The following CNTNAP4 variants were observed in gnomAD, a reference collection of about 807,000 sequenced individuals.
CNTNAP4 encodes the protein contactin associated protein family member 4, also known as contactin-associated protein-like 4.
A neutral mutation model predicts 148.4 loss-of-function variants in CNTNAP4; 98 were observed. The observed-to-expected ratio is 0.66, with a 90% CI of 0.56 to 0.78. CNTNAP4 has a LOEUF of 0.78. Among genes scored for constraint, CNTNAP4 ranks in the 30% least tolerant of loss-of-function variants. The probability of loss-of-function intolerance (pLI) is 0.00; values close to 1 mark genes in which losing one functional copy is unlikely to be tolerated. For synonymous variants in CNTNAP4, 730 were observed against 565.1 expected (o/e 1.29, Z -4.14); for missense variants, 1,935 against 1,565.6 (o/e 1.24, Z -3.98).
rs567265911 is a variant in CNTNAP4 at position 76,304,886 on chromosome 16, C to CT, written c.86-11521dup. Reference sequence around the variant, plus strand: ...TTCAGTTTGTAACCTTTAAGATAGACTTTTTTACTCAATCTCATTTCTTGG... The same window carrying CT: ...TTCAGTTTGTAACCTTTAAGATAGACTTTTTTTACTCAATCTCATTTCTTGG... On this transcript the variant is annotated intron_variant, in intron 1 of 23. Coordinates refer to ENST00000611870, the MANE Select transcript of CNTNAP4 (RefSeq NM_033401.5). Among the ~76,000 whole-genome samples the CT allele has an allele frequency of 4.3e-3, 650 of 152,206 alleles. 4 individuals are homozygous for CT. The highest frequency in any genetic ancestry group is 6.1e-3 in the Non-Finnish European group (412 of 68,018).
rs2084395530 is a variant in CNTNAP4, at chr16:76,540,353, T to G, written c.3355-350T>G. ...AAATAAAAATACCAAGTAAAAGTGT[T>G]AAGGTGAAAAATAACCTTTTGTATC... On this transcript the variant is annotated intron_variant, in intron 20 of 23. Transcript: ENST00000611870. Among the ~76,000 whole-genome samples the G allele has an allele frequency of 3.9e-5, 6 of 152,080 alleles. No homozygotes were observed. The South Asian group carries it at 1.2e-3, about 32-fold the overall frequency.
chr16:76,371,959 A>AT (rs1352087046), intron 3 of CNTNAP4, among the ~76,000 whole-genome samples: 12 of 152,192 alleles, frequency 7.9e-5, no homozygotes, highest in African/African-American at 2.9e-4. Flanking sequence ...TATTCACTTA[A>AT]TCATCTCTAA....
intron 2 of CNTNAP4, among the ~76,000 whole-genome samples, chr16:76,347,141 G>A (rs143791700): frequency 9.8e-6 from 1 of 102,564 alleles, no homozygotes; most frequent in East Asian, 6.6e-4. Flanking sequence ...AATTGGTTGT[G>A]TGTGTGTGTG....
chr16:76,530,107 T>C (rs1454318121), intron 17 of CNTNAP4, among the ~76,000 whole-genome samples: 1 of 152,176 alleles, frequency 6.6e-6, no homozygotes, highest in Non-Finnish European at 1.5e-5. Flanking sequence ...CATATAAATT[T>C]ATTATAAGAT....
chr16:76,468,319 C>T (rs2081249202), intron 10 of CNTNAP4, among the ~76,000 whole-genome samples: 1 of 151,742 alleles, frequency 6.6e-6, no homozygotes, highest in Admixed American at 6.6e-5. Flanking sequence ...ACTAAAAATA[C>T]AAAAATTAGC....
chr16:76,419,625 C>G (rs189003604), intron 3 of CNTNAP4, among the ~76,000 whole-genome samples: 10 of 152,022 alleles, frequency 6.6e-5, no homozygotes, highest in Non-Finnish European at 1.5e-4. Flanking sequence ...TCAGCTCTGA[C>G]TCTTTGGATG....
intron 1 of CNTNAP4, among the ~76,000 whole-genome samples, chr16:76,297,992 C>A (rs934483823): frequency 3.8e-4 from 58 of 151,930 alleles, no homozygotes; most frequent in African/African-American, 1.3e-3. Context: ...CTGAAGAGAC[C>A]CTTCTGTTTT....
At chr16:76,455,687 G>T (rs931461493) in intron 8 of CNTNAP4, among the ~76,000 whole-genome samples, 21 of 152,222 alleles carry the variant, frequency 1.4e-4, no homozygotes, top group African/African-American at 5.1e-4. Context: ...TGGCACTTCA[G>T]TGCGCTGAAA....
intron 14 of CNTNAP4, among the ~76,000 whole-genome samples, chr16:76,496,718 A>G (rs2082413652): frequency 1.3e-5 from 2 of 152,190 alleles, no homozygotes; most frequent in African/African-American, 4.8e-5. Flanking sequence ...TCTTTAAAGA[A>G]TAACAAAAGA....
chr16:76,280,650 A>T (rs897108424), intron 1 of CNTNAP4, among the ~76,000 whole-genome samples: 1 of 152,158 alleles, frequency 6.6e-6, no homozygotes, highest in African/African-American at 2.4e-5. Context: ...TCTCATCAAG[A>T]TGAGCTTTTA....
intron 17 of CNTNAP4, among the ~76,000 whole-genome samples, chr16:76,523,969 A>G (rs946943042): frequency 2.6e-5 from 4 of 152,174 alleles, no homozygotes; most frequent in African/African-American, 9.6e-5. Flanking sequence ...AGAATTCTCA[A>G]GAGTTACACT....
intron 3 of CNTNAP4, among the ~76,000 whole-genome samples, chr16:76,426,052 G>A (rs888227494): frequency 1.3e-5 from 2 of 152,040 alleles, no homozygotes; most frequent in Non-Finnish European, 2.9e-5. Context: ...GAGATGCCCC[G>A]ATTTTGGATA....
chr16:76,318,778 CATA>C (rs1231884354), intron 2 of CNTNAP4, among the ~76,000 whole-genome samples: 7 of 138,176 alleles, frequency 5.1e-5, no homozygotes, highest in South Asian at 2.2e-4. Flanking sequence ...TAATCATAAT[CATA>C]ATAATTAATA....
At chr16:76,455,523 T>G (rs1368592011) in intron 8 of CNTNAP4, among the ~76,000 whole-genome samples, 1 of 152,344 alleles carries the variant, frequency 6.6e-6, no homozygotes, top group South Asian at 2.1e-4. Context: ...TATTCCTAAC[T>G]TTCGGGCTGT....
intron 14 of CNTNAP4, 50 bp from the exon 15 acceptor site, chr16:76,498,516 TA>T: frequency 6.4e-7 from 1 of 1,555,094 alleles, no homozygotes; most frequent in Non-Finnish European, 8.7e-7. Context: ...TGCAATGCAA[TA>T]AGGACTATTA....
chr16:76,405,640 G>A (rs2078576280), intron 3 of CNTNAP4, among the ~76,000 whole-genome samples: 1 of 152,072 alleles, frequency 6.6e-6, no homozygotes, highest in African/African-American at 2.4e-5. Flanking sequence ...CATCCTCATT[G>A]TCTTCGTGTT....
intron 3 of CNTNAP4, among the ~76,000 whole-genome samples, chr16:76,373,448 A>G (rs757212200): frequency 6.6e-6 from 1 of 152,178 alleles, no homozygotes; most frequent in Non-Finnish European, 1.5e-5. Context: ...GGCCTTGTCT[A>G]AGATTTTTTC....
intron 3 of CNTNAP4, among the ~76,000 whole-genome samples, chr16:76,414,967 T>C (rs904544556): frequency 6.0e-5 from 9 of 151,120 alleles, no homozygotes; most frequent in South Asian, 2.1e-4. Flanking sequence ...GTGTTTTTTT[T>C]CCCTAATTTT....
chr16:76,428,457 A>C (rs2079493554), intron 4 of CNTNAP4, among the ~76,000 whole-genome samples: 1 of 151,848 alleles, frequency 6.6e-6, no homozygotes, highest in Non-Finnish European at 1.5e-5. Context: ...ATTTTTAGCT[A>C]CTAAAGCTTT....
Sources: gnomAD v4.1 joint callset for allele counts (sites outside exome capture counted in the v4.1 genomes callset) on GRCh38, gnomAD v4.1.1 for gene constraint, MANE v1.5 for transcripts, NCBI Gene and HGNC (gene_info 2026-07-23, HGNC 2026-07-21) for gene names.